Variants in A3GALT2 observed in about 807,000 individuals in gnomAD.
The protein encoded by A3GALT2 is alpha-1,3-galactosyltransferase 2.
Under a neutral mutation model 16.6 loss-of-function variants are expected in A3GALT2, and 14 were observed. That is an observed-to-expected ratio of 0.84 (90% confidence interval 0.56 to 1.32). The LOEUF is 1.32. A3GALT2 is among the 40% of genes most tolerant of loss of function. A3GALT2 has a pLI of 0.00. For missense variants in A3GALT2, 600 were observed against 490.9 expected (o/e 1.22, Z -2.10); for synonymous variants, 253 against 218.0 (o/e 1.16, Z -1.42).
At chr1:33,319,325 C>T (rs937096526) in intron 1 of A3GALT2, among the ~76,000 whole-genome samples, 1 of 152,130 alleles carries the variant, frequency 6.6e-6, no homozygotes, top group African/African-American at 2.4e-5. Context: ...ACACACAATA[C>T]CTCAGGGCAG....
At chr1:33,309,329 C>T (rs1217058885) in intron 4 of A3GALT2, among the ~76,000 whole-genome samples, 2 of 152,178 alleles carry the variant, frequency 1.3e-5, no homozygotes, top group Admixed American at 1.3e-4. Flanking sequence ...CTCCTCACTT[C>T]CCAGACGGGG....
chr1:33,308,995 A>G (rs1458080769), intron 4 of A3GALT2, among the ~76,000 whole-genome samples: 2 of 151,628 alleles, frequency 1.3e-5, no homozygotes, highest in Admixed American at 1.3e-4. Flanking sequence ...GCCTTCAAGC[A>G]TCTGTTTAAC....
intron 1 of A3GALT2, among the ~76,000 whole-genome samples, chr1:33,319,357 C>G (rs560793947): frequency 6.6e-6 from 1 of 152,090 alleles, no homozygotes; most frequent in Non-Finnish European, 1.5e-5. Flanking sequence ...GGGGCTGGGC[C>G]AGGGTCACTG....
intron 4 of A3GALT2, among the ~76,000 whole-genome samples, chr1:33,309,433 G>A (rs1297003885): frequency 6.6e-6 from 1 of 151,776 alleles, no homozygotes; most frequent in African/African-American, 2.4e-5. Context: ...CGGCTGGCCA[G>A]GCGGGGGCTG....
At chr1:33,312,672 A>T in intron 2 of A3GALT2, 82 bp from the exon 3 acceptor site, 6 of 1,458,278 alleles carry the variant, frequency 4.1e-6, no homozygotes, top group Non-Finnish European at 5.7e-6. Flanking sequence ...TTTGCTTCTT[A>T]CAAGGAGAGA....
At chr1:33,309,529 G>T (rs961437335) in intron 4 of A3GALT2, among the ~76,000 whole-genome samples, 1 of 151,084 alleles carries the variant, frequency 6.6e-6, no homozygotes, top group Non-Finnish European at 1.5e-5. Flanking sequence ...GGGTGGAGAC[G>T]CTCCTCACTT....
rs1256150853 is a variant in A3GALT2 at position 33,312,865 on chromosome 1, G to A, written c.49C>T (p.Gln17Ter). The A allele has an allele frequency of 1.9e-6, 3 of 1,606,576 alleles. No individual in the cohort carries two copies. Among genetic ancestry groups the A allele is most frequent in the Admixed American group, 3.4e-5 (2 of 58,916 alleles). ...LRAWKRIFWR[Q>*]ILLTLGLLGL... ...AAGAGGCCAAGTGTAAGTAGGATCTGCCGCCAGAAGATTCTCTTCCAGGCC... is the reference window on the plus strand; with the variant it reads ...AAGAGGCCAAGTGTAAGTAGGATCTACCGCCAGAAGATTCTCTTCCAGGCC... Residue 17 changes from glutamine to a stop codon, truncating the protein, a stop_gained, in exon 2 of 5, where the codon CAG becomes TAG. Coordinates refer to ENST00000442999, the MANE Select transcript of A3GALT2 (RefSeq NM_001080438.1). LOFTEE classifies it high-confidence loss of function.
chr1:33,310,147 AC>A (rs1451387481), intron 4 of A3GALT2, among the ~76,000 whole-genome samples: 2 of 152,258 alleles, frequency 1.3e-5, no homozygotes, highest in Non-Finnish European at 2.9e-5. Flanking sequence ...ACCAAAAAAT[AC>A]AAAAACCAGT....
Position 33,309,663 on chromosome 1 carries a change from C to T in A3GALT2, c.336-2210G>A, listed in dbSNP as rs111896423. Among the ~76,000 whole-genome samples, 6 of 149,192 alleles carry T rather than the reference C, an allele frequency of 4.0e-5. 1 individual carries two copies. The highest frequency in any genetic ancestry group is 1.0e-4 in the African/African-American group (4 of 40,120). On this transcript the variant is annotated intron_variant, in intron 4 of 4. Transcript: ENST00000442999. ...GCAGAGACGCTCCTCAGTTCCCAGA[C>T]GGGGGTCACGGCCAGGCAGAGGCAC...
At position 33,320,956 on chromosome 1, in the gene A3GALT2, TG is replaced by T. The variant is rs2148165465; in HGVS notation, c.23+119del. On this transcript the variant is annotated intron_variant, in intron 1 of 4. Transcript: ENST00000442999. The surrounding 1 kb of genome is among the most constrained non-coding windows in gnomAD (Gnocchi z 4.3). Reference sequence around the variant, plus strand: ...CTTTCCCCAGGACTGGAGGCTCAGCTGGTACTCCTGGGCTCACTCTGGTGCC... The same window carrying T: ...CTTTCCCCAGGACTGGAGGCTCAGCTGTACTCCTGGGCTCACTCTGGTGCC... 3 of 1,306,594 alleles carry T rather than the reference TG, an allele frequency of 2.3e-6. No individual in the cohort carries two copies. Among genetic ancestry groups the T allele is most frequent in the Non-Finnish European group, 1.1e-6 (1 of 916,936 alleles). The allele number at this position is 1,306,594 out of a possible 1,614,324, so 80.9% of individuals were successfully genotyped here. A position where few individuals can be genotyped will look rare whatever the true frequency, so the allele number is the denominator to read the frequency against.
rs554466059 is a variant in A3GALT2 at position 33,320,868 on chromosome 1, C to G, written c.23+208G>C. Reference sequence around the variant, plus strand: ...TCTTGTGGAATACAACCTCCCCCACCCCGGTGTCCATGCACACGGATTGTC... The same window carrying G: ...TCTTGTGGAATACAACCTCCCCCACGCCGGTGTCCATGCACACGGATTGTC... On this transcript the variant is annotated intron_variant, in intron 1 of 4. Coordinates refer to ENST00000442999, the MANE Select transcript of A3GALT2 (RefSeq NM_001080438.1). This position sits in a 1 kb window ranked among gnomAD's most constrained non-coding sequence, Gnocchi z 4.3. 6.6e-6 allele frequency among the ~76,000 whole-genome samples: 1 copy of G among 152,058 alleles called. No homozygotes were observed. The highest frequency in any genetic ancestry group is 6.6e-5 in the Admixed American group (1 of 15,106).
At chr1:33,310,929 C>A (rs886857010) in intron 4 of A3GALT2, among the ~76,000 whole-genome samples, 7 of 152,200 alleles carry the variant, frequency 4.6e-5, no homozygotes, top group African/African-American at 1.2e-4. Context: ...GTCCACGGGG[C>A]AGCCCTTGGT....
Position 33,320,407 on chromosome 1 carries a change from A to G in A3GALT2, c.23+669T>C, listed in dbSNP as rs1646280675. Among the ~76,000 whole-genome samples, 1 of 152,070 alleles carries G rather than the reference A, an allele frequency of 6.6e-6. No individual in the cohort carries two copies. Among genetic ancestry groups the G allele is most frequent in the Non-Finnish European group, 1.5e-5 (1 of 68,030 alleles). On this transcript the variant is annotated intron_variant, in intron 1 of 4. Transcript: ENST00000442999. This position sits in a 1 kb window ranked among gnomAD's most constrained non-coding sequence, Gnocchi z 4.3. ...GGGCTCTGGGCCTCAGCCAGGGCAC[A>G]CAGGCAGAGTTGGTCTTGTGAACTC...
chr1:33,310,347 G>A (rs1405145666), intron 4 of A3GALT2, among the ~76,000 whole-genome samples: 1 of 151,840 alleles, frequency 6.6e-6, no homozygotes, highest in African/African-American at 2.4e-5. Context: ...GGGAGAGGGA[G>A]ACCAGGGAGA....
intron 1 of A3GALT2, among the ~76,000 whole-genome samples, 169 bp from the exon 2 acceptor site, chr1:33,313,059 C>T (rs1041204826): frequency 2.0e-5 from 3 of 149,446 alleles, no homozygotes; most frequent in Non-Finnish European, 4.4e-5. Flanking sequence ...GGGCAGGTTG[C>T]GGGGATGATA....
rs1204925079 is a variant in A3GALT2, at chr1:33,312,193, GC to G, written c.198-5del. Reference sequence around the variant, plus strand: ...GGTCAGAACTTCAGGCCGGGCCCTGGCCAGGGCAGGGATGGGAAATGGAAAT... The same window carrying G: ...GGTCAGAACTTCAGGCCGGGCCCTGGCAGGGCAGGGATGGGAAATGGAAAT... On this transcript the variant is annotated splice_region_variant and splice_polypyrimidine_tract_variant and intron_variant, in intron 3 of 4. Transcript: ENST00000442999. 1.2e-6 allele frequency: 2 copies of G among 1,612,888 alleles called. No individual in the cohort carries two copies. Among genetic ancestry groups the G allele is most frequent in the Admixed American group, 1.7e-5 (1 of 59,896 alleles).
chr1:33,320,865 C>G lies in A3GALT2; in HGVS notation c.23+211G>C, dbSNP rs771705451. Among the ~76,000 whole-genome samples, 1 of 151,976 alleles carries G rather than the reference C, an allele frequency of 6.6e-6. No individual in the cohort carries two copies. Among genetic ancestry groups the G allele is most frequent in the African/African-American group, 2.4e-5 (1 of 41,426 alleles). On this transcript the variant is annotated intron_variant, in intron 1 of 4. Transcript: ENST00000442999. The surrounding 1 kb of genome is among the most constrained non-coding windows in gnomAD (Gnocchi z 4.3). ...AAATCTTGTGGAATACAACCTCCCC[C>G]ACCCCGGTGTCCATGCACACGGATT...
chr1:33,320,403 G>A lies in A3GALT2; in HGVS notation c.23+673C>T, dbSNP rs1646280660. Among the ~76,000 whole-genome samples, 1 of 152,044 alleles carries A rather than the reference G, an allele frequency of 6.6e-6. No individual in the cohort carries two copies. Among genetic ancestry groups the A allele is most frequent in the Non-Finnish European group, 1.5e-5 (1 of 68,022 alleles). On this transcript the variant is annotated intron_variant, in intron 1 of 4. Coordinates refer to ENST00000442999, the MANE Select transcript of A3GALT2 (RefSeq NM_001080438.1). This position sits in a 1 kb window ranked among gnomAD's most constrained non-coding sequence, Gnocchi z 4.3. ...TTCTGGGCTCTGGGCCTCAGCCAGGGCACACAGGCAGAGTTGGTCTTGTGA... is the reference window on the plus strand; with the variant it reads ...TTCTGGGCTCTGGGCCTCAGCCAGGACACACAGGCAGAGTTGGTCTTGTGA...
chr1:33,311,883 G>A (rs900367533), intron 4 of A3GALT2, among the ~76,000 whole-genome samples, 169 bp downstream of exon 4: 7 of 152,344 alleles, frequency 4.6e-5, no homozygotes, highest in South Asian at 2.1e-4. Context: ...GGAGGAGAAG[G>A]ATGGTCCTGT....
Sources: gnomAD v4.1 joint callset for allele counts (sites outside exome capture counted in the v4.1 genomes callset) on GRCh38, gnomAD v4.1.1 for gene constraint, Gnocchi (gnomAD v3.1) non-coding constraint, MANE v1.5 for transcripts, NCBI Gene and HGNC (gene_info 2026-07-23, HGNC 2026-07-21) for gene names.